The following ATP9A variants were observed in gnomAD, a reference collection of about 807,000 sequenced individuals.
ATP9A encodes ATPase phospholipid transporting 9A.
Under a neutral mutation model 144.1 loss-of-function variants are expected in ATP9A, and 52 were observed. That is an observed-to-expected ratio of 0.36 (90% CI 0.29 to 0.45). ATP9A has a LOEUF of 0.45. Ranked by LOEUF, ATP9A falls within the 20% of genes least tolerant of loss-of-function variation. ATP9A has a pLI of 1.00. For synonymous variants in ATP9A, 582 were observed against 557.4 expected (o/e 1.04, Z -0.62); for missense variants, 947 against 1,392.7 (o/e 0.68, Z 5.09).
chr20:51,694,834 A>C (rs1248419618), intron 6 of ATP9A, among the ~76,000 whole-genome samples: 1 of 152,202 alleles, frequency 6.6e-6, no homozygotes, highest in African/African-American at 2.4e-5. Flanking sequence ...GAGAACTATT[A>C]ATGTAGAACA....
chr20:51,617,613 T>C (rs2077208656), intron 21 of ATP9A, 59 bp from the exon 22 acceptor site: 2 of 1,557,998 alleles, frequency 1.3e-6, no homozygotes, highest in Admixed American at 3.6e-5. Context: ...ACCAAGAATG[T>C]ATGCTTGTCT....
chr20:51,709,411 A>G (rs1431745813), intron 4 of ATP9A, among the ~76,000 whole-genome samples: 4 of 152,070 alleles, frequency 2.6e-5, no homozygotes, highest in Non-Finnish European at 4.4e-5. Flanking sequence ...GCTACTCGGG[A>G]GGCTCGGGCA....
rs941885249 is a variant in ATP9A, at chr20:51,597,879, T to C, written c.*3332A>G. The C allele has an allele frequency of 1.5e-4, 22 of 146,794 alleles. No homozygotes were observed. Among genetic ancestry groups the C allele is most frequent in the African/African-American group, 4.7e-4 (19 of 40,384 alleles). 9.1% of individuals were successfully genotyped at this position (146,794 alleles called of 1,614,324 possible). A position where few individuals can be genotyped will look rare whatever the true frequency, so the allele number is the denominator to read the frequency against. ...ATAAAGAGACAATGATTTTTAAGAT[T>C]TACTGTCACAAAAAAAAAAGGGTTT... On this transcript the variant is annotated 3_prime_UTR_variant, in exon 28 of 28. Transcript: ENST00000338821.
rs375810827 is a variant in ATP9A at position 51,667,982 on chromosome 20, T to C, written c.1293+2015A>G. Among the ~76,000 whole-genome samples the C allele has an allele frequency of 7.5e-5, 11 of 147,062 alleles. 2 individuals are homozygous for C. Among genetic ancestry groups the C allele is most frequent in the Admixed American group, 6.9e-5 (1 of 14,432 alleles). Reference sequence around the variant, plus strand: ...TACTTGGGAGGCTGAGATGGGAGGATTGCTTGAGCCCAGAAGTTTGAGGCT... The same window carrying C: ...TACTTGGGAGGCTGAGATGGGAGGACTGCTTGAGCCCAGAAGTTTGAGGCT... On this transcript the variant is annotated intron_variant, in intron 13 of 27. Transcript: ENST00000338821.
chr20:51,629,987 C>A (rs1375359999), intron 15 of ATP9A, among the ~76,000 whole-genome samples: 1 of 152,246 alleles, frequency 6.6e-6, no homozygotes, highest in Non-Finnish European at 1.5e-5. Context: ...CAAGGCTCAG[C>A]CCAGTACTCT....
At chr20:51,667,425 G>A (rs751632212) in intron 13 of ATP9A, among the ~76,000 whole-genome samples, 2 of 152,214 alleles carry the variant, frequency 1.3e-5, no homozygotes, top group African/African-American at 2.4e-5. Flanking sequence ...GTAGCTGGGT[G>A]CTGATATGCA....
chr20:51,756,277 CTT>C (rs111230195), intron 1 of ATP9A, among the ~76,000 whole-genome samples: 1 of 101,540 alleles, frequency 9.8e-6, no homozygotes, highest in African/African-American at 3.1e-5. Flanking sequence ...GTGTCTCTGT[CTT>C]TTTTTTTTTT....
At position 51,600,802 on chromosome 20, in the gene ATP9A, T is replaced by C. The variant is rs1164356484; in HGVS notation, c.*409A>G. ...AAGAGTACATACACATTAGGACTCT[T>C]TAAAAACACACACACACACACACAC... On this transcript the variant is annotated 3_prime_UTR_variant, in exon 28 of 28. Transcript: ENST00000338821. The C allele has an allele frequency of 1.8e-5, 2 of 109,836 alleles. No individual in the cohort carries two copies. Among genetic ancestry groups the C allele is most frequent in the Non-Finnish European group, 3.8e-5 (2 of 52,846 alleles). The allele number at this position is 109,836 out of a possible 1,614,324, so 6.8% of individuals were successfully genotyped here.
chr20:51,618,553 G>A lies in ATP9A; in HGVS notation c.2350+109C>T, dbSNP rs372520131. On this transcript the variant is annotated intron_variant, in intron 21 of 27. Transcript: ENST00000338821. ...GAGAAAAATCATGACCTGAACAAAGGGGCCTGGGGAATTTGAAGAAAGAGC... is the reference window on the plus strand; with the variant it reads ...GAGAAAAATCATGACCTGAACAAAGAGGCCTGGGGAATTTGAAGAAAGAGC... 12 of 1,436,874 alleles carry A rather than the reference G, an allele frequency of 8.4e-6. No individual in the cohort carries two copies. The African/African-American group carries it at 1.6e-4, about 19-fold the overall frequency. The allele number at this position is 1,436,874 out of a possible 1,614,324, so 89.0% of individuals were successfully genotyped here.
chr20:51,683,458 T>G (rs2077509245), intron 9 of ATP9A, among the ~76,000 whole-genome samples: 1 of 152,020 alleles, frequency 6.6e-6, no homozygotes, highest in Admixed American at 6.6e-5. Context: ...TATTATTTTA[T>G]ATTTTTAGTA....
intron 11 of ATP9A, among the ~76,000 whole-genome samples, chr20:51,673,430 AG>A (rs1446782347): frequency 6.6e-6 from 1 of 152,170 alleles, no homozygotes; most frequent in Non-Finnish European, 1.5e-5. Flanking sequence ...AGGTAGGCAA[AG>A]GACTGGCATG....
At chr20:51,730,331 G>A (rs897080845) in intron 1 of ATP9A, among the ~76,000 whole-genome samples, 5 of 152,162 alleles carry the variant, frequency 3.3e-5, no homozygotes, top group African/African-American at 1.2e-4. Flanking sequence ...AGCCGGGCGT[G>A]TTGGCACGTG....
At chr20:51,759,872 T>C (rs2077871732) in intron 1 of ATP9A, among the ~76,000 whole-genome samples, 1 of 152,058 alleles carries the variant, frequency 6.6e-6, no homozygotes, top group South Asian at 2.1e-4. Flanking sequence ...AAACTTGTAA[T>C]CCCAAATCAA....
At chr20:51,699,470 C>T (rs2077584550) in intron 4 of ATP9A, among the ~76,000 whole-genome samples, 1 of 151,846 alleles carries the variant, frequency 6.6e-6, no homozygotes, top group African/African-American at 2.4e-5. Flanking sequence ...AAGTATTTCA[C>T]TACCATTGAG....
chr20:51,686,737 C>G (rs1419387737), intron 9 of ATP9A, among the ~76,000 whole-genome samples: 2 of 152,122 alleles, frequency 1.3e-5, no homozygotes, highest in Admixed American at 6.5e-5. Flanking sequence ...GAGTTCGAGA[C>G]CAGCCTGGCC....
At chr20:51,680,225 TAAAA>T (rs11478096) in intron 9 of ATP9A, among the ~76,000 whole-genome samples, 1 of 123,420 alleles carries the variant, frequency 8.1e-6, no homozygotes, top group African/African-American at 3.2e-5. Flanking sequence ...GAGACTGTCT[TAAAA>T]AAAAAAAAAA....
intron 4 of ATP9A, among the ~76,000 whole-genome samples, chr20:51,704,959 A>T (rs1234659216): frequency 6.6e-6 from 1 of 152,186 alleles, no homozygotes; most frequent in African/African-American, 2.4e-5. Context: ...TGAGGTCCTT[A>T]GTGAAGGATC....
At chr20:51,693,061 C>A (rs188727961) in intron 7 of ATP9A, among the ~76,000 whole-genome samples, 186 of 152,260 alleles carry the variant, frequency 1.2e-3, no homozygotes, top group African/African-American at 4.4e-3. Context: ...ATGCCACTCA[C>A]CAGGCACTTA....
At chr20:51,664,310 G>A (rs2077423686) in intron 13 of ATP9A, among the ~76,000 whole-genome samples, 1 of 152,110 alleles carries the variant, frequency 6.6e-6, no homozygotes, top group Admixed American at 6.5e-5. Context: ...AACAGGGCTG[G>A]CTGCAGTGGC....
Sources: gnomAD v4.1 joint callset for allele counts (sites outside exome capture counted in the v4.1 genomes callset) on GRCh38, gnomAD v4.1.1 for gene constraint, MANE v1.5 for transcripts, NCBI Gene and HGNC (gene_info 2026-07-23, HGNC 2026-07-21) for gene names.